SH3PXD2A: variants seen among roughly 807,000 people sequenced by gnomAD.
SH3PXD2A encodes SH3 and PX domains 2A.
SH3PXD2A carries 32 observed loss-of-function variants against 115.2 expected under a neutral mutation model. That is an observed-to-expected ratio of 0.28 (90% CI 0.21 to 0.37). SH3PXD2A has a LOEUF of 0.37. SH3PXD2A is among the 10% of genes least tolerant of loss of function. The pLI, the probability that SH3PXD2A is intolerant of heterozygous loss-of-function variation, is 1.00. For missense variants in SH3PXD2A, 1,328 were observed against 1,498.7 expected, an observed-to-expected ratio of 0.89 and a Z score of 1.88; for synonymous variants, 610 against 629.1, an observed-to-expected ratio of 0.97 and a Z score of 0.45.
chr10:103,716,078 C>T (rs2038101700), intron 5 of SH3PXD2A, among the ~76,000 whole-genome samples: 1 of 152,310 alleles, frequency 6.6e-6, no homozygotes, highest in African/African-American at 2.4e-5. Flanking sequence ...TTGAGTCTGA[C>T]CTCCTCCCAC....
At position 103,855,570 on chromosome 10, in the gene SH3PXD2A, G is replaced by C. The variant is rs1842933262; in HGVS notation, c.-304C>G. The C allele has an allele frequency of 6.6e-6, 1 of 150,552 alleles. No homozygotes were observed. The highest frequency in any genetic ancestry group is 1.5e-5 in the Non-Finnish European group (1 of 67,440). The allele number at this position is 150,552 out of a possible 1,614,324, so 9.3% of individuals were successfully genotyped here. A position where few individuals can be genotyped will look rare whatever the true frequency, so the allele number is the denominator to read the frequency against. On this transcript the variant is annotated 5_prime_UTR_variant, in exon 1 of 15. Transcript: ENST00000369774. ...CTCTCCGCCGCCCGGTGGGTCCGGC[G>C]GGAACTGGCGGAGCAGAGGAGGGGC...
intron 1 of SH3PXD2A, among the ~76,000 whole-genome samples, chr10:103,817,272 C>A (rs1187084758): frequency 6.6e-6 from 1 of 151,920 alleles, no homozygotes; most frequent in African/African-American, 2.4e-5. Context: ...AAGCCCAGTA[C>A]CCGACAGTTG....
chr10:103,690,335 T>C (rs1291429453), intron 6 of SH3PXD2A, among the ~76,000 whole-genome samples: 1 of 152,232 alleles, frequency 6.6e-6, no homozygotes, highest in East Asian at 1.9e-4. Context: ...TATTAGTCAG[T>C]GTTCTCCAGA....
intron 5 of SH3PXD2A, among the ~76,000 whole-genome samples, chr10:103,716,798 C>G (rs1226373553): frequency 6.6e-6 from 1 of 152,246 alleles, no homozygotes; most frequent in East Asian, 1.9e-4. Flanking sequence ...TGCCCACAGG[C>G]TTGGACTGCC....
intron 2 of SH3PXD2A, among the ~76,000 whole-genome samples, chr10:103,800,031 T>C (rs185908105): frequency 1.6e-4 from 25 of 152,204 alleles, no homozygotes; most frequent in Admixed American, 1.5e-3. Context: ...CAAGATGACC[T>C]CTCCAAGATG....
At chr10:103,718,259 C>T (rs1046897262) in intron 5 of SH3PXD2A, among the ~76,000 whole-genome samples, 2 of 152,076 alleles carry the variant, frequency 1.3e-5, no homozygotes, top group Non-Finnish European at 2.9e-5. Context: ...TCAAGCAATC[C>T]TCCCGCCTTG....
At chr10:103,840,443 G>A (rs955343519) in intron 1 of SH3PXD2A, among the ~76,000 whole-genome samples, 2 of 152,176 alleles carry the variant, frequency 1.3e-5, no homozygotes, top group Non-Finnish European at 2.9e-5. Flanking sequence ...TTCCTGTCTG[G>A]GAGAAGAAAG....
chr10:103,606,263 G>A (rs2036300546), intron 13 of SH3PXD2A, among the ~76,000 whole-genome samples: 1 of 151,334 alleles, frequency 6.6e-6, no homozygotes, highest in African/African-American at 2.4e-5. Flanking sequence ...AGGCTAGAGT[G>A]CAGTGGAGTA....
At chr10:103,836,407 T>C (rs2039540513) in intron 1 of SH3PXD2A, among the ~76,000 whole-genome samples, 1 of 148,250 alleles carries the variant, frequency 6.7e-6, no homozygotes, top group African/African-American at 2.5e-5. Flanking sequence ...ACACACACAT[T>C]CCACACTCAA....
At position 103,685,337 on chromosome 10, in the gene SH3PXD2A, CAAAAAAAAAAAA is replaced by C. The variant is rs775424414; in HGVS notation, c.427+7679_427+7690del. ...CCAGGCAAACAGCAAAACTCTGTCT[CAAAAAAAAAAAA>C]AAAAAAAAAAAAAGAGAATCCTGTG... is the stretch of plus-strand genomic sequence containing the variant. On this transcript the variant is annotated intron_variant, in intron 6 of 14. Transcript: ENST00000369774. 5.3e-5 allele frequency among the ~76,000 whole-genome samples: 3 copies of C among 56,390 alleles called. No homozygotes were observed. In the East Asian group the frequency reaches 1.7e-3, roughly 32 times the overall value. 37.0% of individuals were successfully genotyped at this position (56,390 alleles called of 152,430 possible). A position where few individuals can be genotyped will look rare whatever the true frequency, so the allele number is the denominator to read the frequency against.
At chr10:103,637,677 T>C (rs2133977205) in intron 8 of SH3PXD2A, among the ~76,000 whole-genome samples, 1 of 152,294 alleles carries the variant, frequency 6.6e-6, no homozygotes, top group African/African-American at 2.4e-5. Context: ...CCAAGTTCTT[T>C]GCTTGGTGCG....
chr10:103,739,210 C>T (rs910960539), intron 3 of SH3PXD2A, among the ~76,000 whole-genome samples: 12 of 152,188 alleles, frequency 7.9e-5, no homozygotes, highest in Admixed American at 3.3e-4. Context: ...CACAGGACCC[C>T]GCCCTGCCCT....
chr10:103,813,655 T>C (rs1253354964), intron 1 of SH3PXD2A, among the ~76,000 whole-genome samples: 3 of 152,234 alleles, frequency 2.0e-5, no homozygotes, highest in African/African-American at 7.2e-5. Context: ...TGAACATGTA[T>C]AGCTTTCATA....
In SH3PXD2A at chr10:103,855,385, C is replaced by A. The variant is rs1272857573; in HGVS notation, c.-119G>T. On this transcript the variant is annotated 5_prime_UTR_variant, in exon 1 of 15. Coordinates refer to ENST00000369774, the MANE Select transcript of SH3PXD2A (RefSeq NM_001394015.1). ...CGCCCGCCACCCCGGCCCGGCGCGC[C>A]GAACGCTGCCCGGACTCCCGGCGCC... The A allele has an allele frequency of 2.8e-5, 20 of 715,002 alleles. No homozygotes were observed. The highest frequency in any genetic ancestry group is 4.0e-5 in the Non-Finnish European group (19 of 478,984). 44.3% of individuals were successfully genotyped at this position (715,002 alleles called of 1,614,324 possible).
In SH3PXD2A at chr10:103,598,960, G is replaced by A. The variant is rs142713045; in HGVS notation, c.*2856C>T. ...CCCTGTTCACTGCCCAAATCTACAT[G>A]CTGTCACCAGATGGCAGCATTCCCC... On this transcript the variant is annotated 3_prime_UTR_variant, in exon 15 of 15. Coordinates refer to ENST00000369774, the MANE Select transcript of SH3PXD2A (RefSeq NM_001394015.1). 2.6e-5 allele frequency: 4 copies of A among 152,748 alleles called. No individual in the cohort carries two copies. The highest frequency in any genetic ancestry group is 3.4e-3 in the Middle Eastern group (1 of 294). 9.5% of individuals were successfully genotyped at this position (152,748 alleles called of 1,614,324 possible).
intron 5 of SH3PXD2A, among the ~76,000 whole-genome samples, chr10:103,703,274 C>T (rs1039459288): frequency 6.6e-6 from 1 of 152,196 alleles, no homozygotes; most frequent in Non-Finnish European, 1.5e-5. Flanking sequence ...CCAGACTTTC[C>T]TAGACACCAT....
chr10:103,779,592 C>A (rs11191805), intron 2 of SH3PXD2A, among the ~76,000 whole-genome samples: 38,758 of 151,988 alleles, frequency 0.26, 5,635 homozygotes, highest in African/African-American at 0.4. Context: ...TGCTGAGCAG[C>A]GAAGGAACAC....
chr10:103,702,711 A>G (rs2037934341), intron 5 of SH3PXD2A, among the ~76,000 whole-genome samples: 1 of 152,074 alleles, frequency 6.6e-6, no homozygotes, highest in Non-Finnish European at 1.5e-5. Flanking sequence ...CTCAGATTTT[A>G]GAAGGAAGTT....
At chr10:103,642,100 A>G (rs1193539109) in intron 8 of SH3PXD2A, among the ~76,000 whole-genome samples, 2 of 152,028 alleles carry the variant, frequency 1.3e-5, no homozygotes, top group Non-Finnish European at 2.9e-5. Context: ...ATTGTAAGTC[A>G]CACCATCATA....
Sources: allele counts gnomAD v4.1 joint callset (sites outside exome capture counted in the v4.1 genomes callset), GRCh38; gene constraint gnomAD v4.1.1; transcripts MANE v1.5; gene names NCBI Gene and HGNC (gene_info 2026-07-23, HGNC 2026-07-21).